The following PSD3 variants were observed in gnomAD, a reference collection of about 807,000 sequenced individuals.
The protein encoded by PSD3 is PH and SEC7 domain-containing protein 3.
A neutral mutation model predicts 105.5 loss-of-function variants in PSD3; 49 were observed. The observed-to-expected ratio is 0.46, with a 90% CI of 0.37 to 0.59. PSD3 has a LOEUF of 0.59. PSD3 is among the 20% of genes least tolerant of loss of function. The probability of loss-of-function intolerance (pLI) is 0.00; values close to 1 mark genes in which losing one functional copy is unlikely to be tolerated. For missense variants in PSD3, 1,561 were observed against 1,263.8 expected (o/e 1.24, Z -3.57); for synonymous variants, 557 against 457.8 (o/e 1.22, Z -2.77).
intron 1 of PSD3, among the ~76,000 whole-genome samples, chr8:18,944,872 T>C (rs930412142): frequency 6.6e-6 from 1 of 152,236 alleles, no homozygotes. Flanking sequence ...TGAGCATTTA[T>C]TTACTTTCTC....
At chr8:18,574,097 G>C (rs1224285470) in intron 13 of PSD3, among the ~76,000 whole-genome samples, 2 of 151,994 alleles carry the variant, frequency 1.3e-5, no homozygotes, top group African/African-American at 4.8e-5. Context: ...TAAATGAATG[G>C]TAGAAATGAT....
chr8:19,056,353 TA>T (rs1828709880), intron 1 of PSD3, among the ~76,000 whole-genome samples: 1 of 152,172 alleles, frequency 6.6e-6, no homozygotes, highest in Admixed American at 6.5e-5. Flanking sequence ...GGATTTAATT[TA>T]AAAAAATTTC....
At chr8:18,658,879 C>T (rs1171201146) in intron 9 of PSD3, among the ~76,000 whole-genome samples, 1 of 152,068 alleles carries the variant, frequency 6.6e-6, no homozygotes, top group East Asian at 1.9e-4. Flanking sequence ...CTCTTTCTAC[C>T]CCAACCATCT....
intron 9 of PSD3, among the ~76,000 whole-genome samples, chr8:18,722,917 T>G (rs190067935): frequency 1.8e-4 from 27 of 152,318 alleles, no homozygotes; most frequent in Admixed American, 1.0e-3. Context: ...GCAACAATTA[T>G]AGAATGCCGT....
chr8:18,564,832 G>C (rs1192746282), intron 14 of PSD3, among the ~76,000 whole-genome samples: 1 of 152,060 alleles, frequency 6.6e-6, no homozygotes, highest in African/African-American at 2.4e-5. Flanking sequence ...GACAAAAGGA[G>C]GGGTGGGGGT....
At chr8:18,997,394 C>T (rs912224458) in intron 1 of PSD3, among the ~76,000 whole-genome samples, 1 of 151,808 alleles carries the variant, frequency 6.6e-6, no homozygotes, top group African/African-American at 2.4e-5. Flanking sequence ...CCCACTCAAC[C>T]TTCAAAACAT....
At chr8:18,550,915 G>A (rs571874171) in intron 15 of PSD3, among the ~76,000 whole-genome samples, 36 of 152,190 alleles carry the variant, frequency 2.4e-4, no homozygotes, top group Non-Finnish European at 4.1e-4. Flanking sequence ...TTGATTCCAC[G>A]CTAGACTGAC....
In PSD3 at chr8:18,632,815, G is replaced by C. The variant is rs372108829; in HGVS notation, c.2217-9C>G. 143 of 1,537,738 alleles carry C rather than the reference G, an allele frequency of 9.3e-5. No homozygotes were observed. The highest frequency in any genetic ancestry group is 1.3e-5 in the Non-Finnish European group (15 of 1,121,252). ...TTTTCTCTTCATCATCTCTAAAAGG[G>C]AGAAAGCACAAAGACTGAGTCAAGC... On this transcript the variant is annotated splice_polypyrimidine_tract_variant and intron_variant, in intron 10 of 15. Coordinates refer to ENST00000327040, the MANE Select transcript of PSD3 (RefSeq NM_015310.4).
At chr8:18,993,709 T>G (rs1440567397) in intron 1 of PSD3, among the ~76,000 whole-genome samples, 1 of 151,938 alleles carries the variant, frequency 6.6e-6, no homozygotes, top group Non-Finnish European at 1.5e-5. Context: ...CAGGGATAGG[T>G]AGAAAAAATG....
At chr8:18,632,083 C>A (rs975960372) in intron 11 of PSD3, among the ~76,000 whole-genome samples, 2 of 152,022 alleles carry the variant, frequency 1.3e-5, no homozygotes, top group African/African-American at 2.4e-5. Flanking sequence ...CCTTCAATTT[C>A]CCAAAACTAA....
At chr8:18,582,858 C>T (rs1358512368) in intron 12 of PSD3, among the ~76,000 whole-genome samples, 1 of 142,704 alleles carries the variant, frequency 7.0e-6, no homozygotes, top group Non-Finnish European at 1.5e-5. Flanking sequence ...CAGAGTCTCG[C>T]TCTGTCACCC....
At chr8:18,570,918 G>A (rs995671127) in intron 14 of PSD3, among the ~76,000 whole-genome samples, 1 of 151,580 alleles carries the variant, frequency 6.6e-6, no homozygotes, top group South Asian at 2.1e-4. Context: ...GGAATGCAGT[G>A]GCATGATCTC....
intron 1 of PSD3, among the ~76,000 whole-genome samples, chr8:19,037,292 A>ACTGG (rs1827977059): frequency 6.6e-6 from 1 of 152,226 alleles, no homozygotes; most frequent in African/African-American, 2.4e-5. Context: ...CTGATACAAA[A>ACTGG]CTGGCTGCTG....
intron 8 of PSD3, among the ~76,000 whole-genome samples, chr8:18,771,449 T>C (rs898105037): frequency 6.6e-6 from 1 of 152,230 alleles, no homozygotes; most frequent in South Asian, 2.1e-4. Flanking sequence ...ATCACAAAGA[T>C]TTACTCCAAA....
At position 18,971,752 on chromosome 8, in the gene PSD3, C is replaced by G. The variant is rs560285543; in HGVS notation, c.22-35610G>C. Among the ~76,000 whole-genome samples the G allele has an allele frequency of 3.6e-3, 543 of 152,252 alleles. 1 individual carries two copies. The highest frequency in any genetic ancestry group is 0.012 in the South Asian group (58 of 4,812). On this transcript the variant is annotated intron_variant, in intron 1 of 15. Coordinates refer to ENST00000327040, the MANE Select transcript of PSD3 (RefSeq NM_015310.4). ...AGGTGCAGTGGCTCACACCTGTAAT[C>G]TCAGCACTTTGGGAGGCCAAGGCAG...
intron 9 of PSD3, among the ~76,000 whole-genome samples, chr8:18,708,621 T>C (rs2129420588): frequency 6.6e-6 from 1 of 152,236 alleles, no homozygotes; most frequent in Non-Finnish European, 1.5e-5. Context: ...ACATAAAAGA[T>C]GCAAATATGC....
intron 1 of PSD3, among the ~76,000 whole-genome samples, chr8:18,976,560 T>C (rs929373985): frequency 6.6e-6 from 1 of 152,220 alleles, no homozygotes; most frequent in African/African-American, 2.4e-5. Context: ...CAGATTTCAC[T>C]TACTACATGA....
chr8:18,867,697 G>A lies in PSD3; in HGVS notation c.1611C>T (p.Thr537=). Residue 537 remains threonine (T), a synonymous_variant, in exon 4 of 16, where the codon ACC becomes ACT. Transcript: ENST00000327040. The part of the protein sequence containing the change: ...DASDSIYTKG[T]PEIAFWGSNA... ...ACCTTCCCCAGAAAGCAATCTCCGGGGTGCCTTTCGTGTAGATGGAGTCGC... is the reference window on the plus strand; with the variant it reads ...ACCTTCCCCAGAAAGCAATCTCCGGAGTGCCTTTCGTGTAGATGGAGTCGC... 1 of 1,612,570 alleles carries A rather than the reference G, an allele frequency of 6.2e-7. No individual in the cohort carries two copies. Among genetic ancestry groups the A allele is most frequent in the Non-Finnish European group, 8.5e-7 (1 of 1,178,940 alleles).
Position 18,957,926 on chromosome 8 carries a change from C to T in PSD3, c.22-21784G>A, listed in dbSNP as rs551994291. 5.9e-5 allele frequency among the ~76,000 whole-genome samples: 9 copies of T among 152,304 alleles called. No individual in the cohort carries two copies. In the South Asian group the frequency reaches 1.7e-3, roughly 28 times the overall value. On this transcript the variant is annotated intron_variant, in intron 1 of 15. Coordinates refer to ENST00000327040, the MANE Select transcript of PSD3 (RefSeq NM_015310.4). ...ATATTTGCCACAGCACGCTCATACA[C>T]TGTTAGAGTGTAAGGAGGTATAACC...
Sources: gnomAD v4.1 joint callset for allele counts (sites outside exome capture counted in the v4.1 genomes callset) on GRCh38, gnomAD v4.1.1 for gene constraint, MANE v1.5 for transcripts, NCBI Gene and HGNC (gene_info 2026-07-23, HGNC 2026-07-21) for gene names.